Variants in EIF2D observed in about 807,000 individuals in gnomAD.
The protein encoded by EIF2D is eukaryotic translation initiation factor 2D, also known as hepatocellular carcinoma-associated antigen 56.
EIF2D carries 56 observed loss-of-function variants against 77.4 expected under a neutral mutation model. The ratio of observed to expected loss-of-function variants is 0.72; its 90% CI spans 0.58 to 0.90. The LOEUF (loss-of-function observed/expected upper bound fraction) is 0.90, where lower values mean the gene tolerates loss of function less well. Ranked by LOEUF, EIF2D falls within the 40% of genes least tolerant of loss-of-function variation. The probability of loss-of-function intolerance (pLI) is 0.00; values close to 1 mark genes in which losing one functional copy is unlikely to be tolerated. For synonymous variants in EIF2D, 230 were observed against 271.0 expected, an observed-to-expected ratio of 0.85 and a Z score of 1.49; for missense variants, 574 against 706.5, an observed-to-expected ratio of 0.81 and a Z score of 2.13.
At chr1:206,583,030 C>A (rs971014835) in intron 2 of EIF2D, 6 of 452,302 alleles carry the variant, frequency 1.3e-5, no homozygotes, top group Non-Finnish European at 2.1e-5. Context: ...TCCCATTTCA[C>A]AGATGAGGAG....
At chr1:206,602,487 G>A in intron 6 of EIF2D, 34 bp from the exon 7 acceptor site, 3 of 1,575,842 alleles carry the variant, frequency 1.9e-6, no homozygotes, top group Non-Finnish European at 2.6e-6. Flanking sequence ...CATCCTTCCT[G>A]AGGGATACAG....
In EIF2D at chr1:206,599,063, A is replaced by C; in HGVS notation, c.1232T>G (p.Val411Gly). The change falls in exon 11 of 15, where the codon GTC becomes GGC. Residue 411 changes from valine (V) to glycine (G), a missense_variant. By Grantham distance (109) the Val-to-Gly change is moderately radical. Coordinates refer to ENST00000271764, the MANE Select transcript of EIF2D (RefSeq NM_006893.3). This position sits in a 1 kb window ranked among gnomAD's most constrained non-coding sequence, Gnocchi z 4.1. Reference protein sequence around the residue: ...KKGSFLEGSEVRTIVINYAKK... With the variant: ...KKGSFLEGSEGRTIVINYAKK... The stretch of plus-strand genomic sequence containing the variant: ...GGCGTAGTTAATGACGATCGTTCGG[A>C]CCTCACTGCCCTCCAGAAAGCTCCC... The C allele has an allele frequency of 6.2e-7, 1 of 1,614,104 alleles. No individual in the cohort carries two copies. Among genetic ancestry groups the C allele is most frequent in the Non-Finnish European group, 8.5e-7 (1 of 1,179,996 alleles).
At position 206,584,348 on chromosome 1, in the gene EIF2D, G is replaced by A. The variant is rs782357811; in HGVS notation, c.139-3186C>T. ...AGTGGCAGATATGATCATGCAAGGC[G>A]GACGGCCCTGACCCCCTGTGACATG... On this transcript the variant is annotated intron_variant and NMD_transcript_variant, in intron 2 of 5. Transcript: ENST00000472709. The surrounding 1 kb of genome is among the most constrained non-coding windows in gnomAD (Gnocchi z 4.9). 144 of 1,571,708 alleles carry A rather than the reference G, an allele frequency of 9.2e-5. No homozygotes were observed. Among genetic ancestry groups the A allele is most frequent in the African/African-American group, 2.4e-4 (18 of 74,032 alleles).
rs1553410941 is a variant in EIF2D, at chr1:206,599,853, C to G, written c.949-17G>C. On this transcript the variant is annotated splice_polypyrimidine_tract_variant and intron_variant, in intron 8 of 14. Transcript: ENST00000271764. This position sits in a 1 kb window ranked among gnomAD's most constrained non-coding sequence, Gnocchi z 4.1. ...CTTAGAGAGCTAAGGGAGAGAGGGC[C>G]AGTGGTAGGGGACTTCATTGATTCC... is the stretch of plus-strand genomic sequence containing the variant. 6.2e-7 allele frequency: 1 copy of G among 1,611,298 alleles called. No homozygotes were observed. Among genetic ancestry groups the G allele is most frequent in the South Asian group, 1.1e-5 (1 of 90,896 alleles).
intron 2 of EIF2D, among the ~76,000 whole-genome samples, chr1:206,581,458 G>A (rs142864021): frequency 0.018 from 2,721 of 152,228 alleles, 86 homozygotes; most frequent in African/African-American, 0.063. Context: ...AATTAGCTGG[G>A]TGTGGTGGTG....
At chr1:206,578,798 C>T (rs2103562846) in intron 4 of EIF2D, among the ~76,000 whole-genome samples, 1 of 152,230 alleles carries the variant, frequency 6.6e-6, no homozygotes, top group Non-Finnish European at 1.5e-5. Flanking sequence ...CCACGTGACT[C>T]ACTCAGAGCC....
rs781974060 is a variant in EIF2D, at chr1:206,611,192, TA to T, written c.238del (p.Tyr80IlefsTer28). The part of the protein sequence containing the change: ...PILFELEKNL[Y>X]PTVYTLWSYP... The stretch of plus-strand genomic sequence containing the variant: ...TCGTCCTGTTGTCATACCTGTTGGA[TA>T]CAGATTTTTCTCCAGTTCAAAGAGG... On this transcript the variant is annotated frameshift_variant, in exon 2 of 15. Coordinates refer to ENST00000271764, the MANE Select transcript of EIF2D (RefSeq NM_006893.3). LOFTEE classifies it high-confidence loss of function. 1.9e-6 allele frequency: 3 copies of T among 1,612,966 alleles called. No homozygotes were observed. Among genetic ancestry groups the T allele is most frequent in the Non-Finnish European group, 2.5e-6 (3 of 1,179,118 alleles).
downstream of EIF2D, chr1:206,587,155 G>A (rs1207267290): frequency 1.7e-5 from 12 of 712,208 alleles, no homozygotes; most frequent in Non-Finnish European, 2.1e-5. Flanking sequence ...GGGTTCAGCT[G>A]TGCCCGCCCC....
intron 13 of EIF2D, 47 bp from the exon 14 acceptor site, chr1:206,593,840 C>A (rs782375119): frequency 6.5e-7 from 1 of 1,550,090 alleles, no homozygotes; most frequent in Admixed American, 1.8e-5. Flanking sequence ...ACTGCATTCC[C>A]TTCCCTCCAG....
intron 5 of EIF2D, 39 bp downstream of exon 5, chr1:206,605,361 C>T (rs559110241): frequency 5.1e-6 from 8 of 1,557,748 alleles, no homozygotes; most frequent in African/African-American, 2.7e-5. Context: ...TCCCCAGCTG[C>T]CCCGGTTCTC....
chr1:206,610,284 T>C (rs1011101699), intron 2 of EIF2D, among the ~76,000 whole-genome samples: 1 of 152,218 alleles, frequency 6.6e-6, no homozygotes, highest in Non-Finnish European at 1.5e-5. Context: ...TTCGGGAGAC[T>C]GAGGCAGGAA....
intron 11 of EIF2D, among the ~76,000 whole-genome samples, chr1:206,598,023 T>C (rs1669734058): frequency 6.6e-6 from 1 of 152,244 alleles, no homozygotes; most frequent in Middle Eastern, 3.4e-3. Flanking sequence ...ATCATGATGA[T>C]GTTTTTTTAA....
chr1:206,609,526 C>A, intron 2 of EIF2D, 67 bp from the exon 3 acceptor site: 1 of 1,305,196 alleles, frequency 7.7e-7, no homozygotes, highest in Admixed American at 1.9e-5. Flanking sequence ...ATGGAAAAAC[C>A]TAACACTATG....
rs570560657 is a variant in EIF2D at position 206,586,579 on chromosome 1, A to G, written c.139-5417T>C. 3.7e-4 allele frequency: 145 copies of G among 394,430 alleles called. 2 individuals carry two copies. Among genetic ancestry groups the G allele is most frequent in the Middle Eastern group, 2.2e-3 (3 of 1,390 alleles). 24.4% of individuals were successfully genotyped at this position (394,430 alleles called of 1,614,324 possible). A position where few individuals can be genotyped will look rare whatever the true frequency, so the allele number is the denominator to read the frequency against. On this transcript the variant is annotated intron_variant and NMD_transcript_variant, in intron 2 of 5. Coordinates refer to the EIF2D transcript ENST00000472709. The stretch of plus-strand genomic sequence containing the variant: ...CAGAAACTTAAGATTATTGAGTTTC[A>G]AAATAAAAACATGGTTCATAGACTG...
chr1:206,585,374 C>G (rs782660974), intron 2 of EIF2D: 1 of 1,022,206 alleles, frequency 9.8e-7, no homozygotes, highest in Non-Finnish European at 1.6e-6. Flanking sequence ...CTAACTACCT[C>G]ACATAGGTGG....
rs1230346314 is a variant in EIF2D, at chr1:206,606,021, G to T, written c.423-514C>A. 2.6e-5 allele frequency among the ~76,000 whole-genome samples: 4 copies of T among 152,280 alleles called. No homozygotes were observed. In the East Asian group the frequency reaches 7.7e-4, roughly 29 times the overall value. ...CTAAGTTGACTTTATAAGAGGGGTT[G>T]CTCAGTGTAACTATATATCTAAGAA... On this transcript the variant is annotated intron_variant, in intron 4 of 14. Coordinates refer to ENST00000271764, the MANE Select transcript of EIF2D (RefSeq NM_006893.3).
intron 2 of EIF2D, chr1:206,583,480 G>C: frequency 2.5e-6 from 2 of 813,224 alleles, no homozygotes; most frequent in East Asian, 5.3e-5. Context: ...TCCCTGGCAG[G>C]TCCCCTCCCT....
Position 206,599,689 on chromosome 1 carries a change from C to T in EIF2D, c.1052+44G>A. 3 of 1,612,738 alleles carry T rather than the reference C, an allele frequency of 1.9e-6. No homozygotes were observed. Among genetic ancestry groups the T allele is most frequent in the Non-Finnish European group, 2.5e-6 (3 of 1,178,996 alleles). On this transcript the variant is annotated intron_variant, in intron 9 of 14. Coordinates refer to ENST00000271764, the MANE Select transcript of EIF2D (RefSeq NM_006893.3). The surrounding 1 kb of genome is among the most constrained non-coding windows in gnomAD (Gnocchi z 4.1). Reference sequence around the variant, plus strand: ...CAATCCCCAGTCCGTGGCCCAGGTGCCCTGGGGCCAGCTGGGCTACAGTGA... The same window carrying T: ...CAATCCCCAGTCCGTGGCCCAGGTGTCCTGGGGCCAGCTGGGCTACAGTGA...
intron 4 of EIF2D, among the ~76,000 whole-genome samples, chr1:206,575,577 A>G (rs1668610150): frequency 6.6e-6 from 1 of 152,158 alleles, no homozygotes; most frequent in African/African-American, 2.4e-5. Flanking sequence ...TCCTGCTGCC[A>G]TTCAGCCATG....
Sources: gnomAD v4.1 joint callset for allele counts (sites outside exome capture counted in the v4.1 genomes callset) on GRCh38, gnomAD v4.1.1 for gene constraint, Gnocchi (gnomAD v3.1) non-coding constraint, MANE v1.5 for transcripts, NCBI Gene and HGNC (gene_info 2026-07-23, HGNC 2026-07-21) for gene names.